The following PNPLA7 variants were observed in gnomAD, a reference collection of about 807,000 sequenced individuals.
PNPLA7 encodes the protein patatin like domain 7, lysophospholipase.
A neutral mutation model predicts 161.7 loss-of-function variants in PNPLA7; 153 were observed. The observed-to-expected ratio is 0.95, with a 90% CI of 0.83 to 1.08. The LOEUF is 1.08. Among genes scored for constraint, PNPLA7 ranks in the 50% least tolerant of loss-of-function variants. The pLI is 0.00. For missense variants in PNPLA7, 1,739 were observed against 1,856.6 expected, an observed-to-expected ratio of 0.94 and a Z score of 1.16; for synonymous variants, 809 against 782.1, an observed-to-expected ratio of 1.03 and a Z score of -0.57.
chr9:137,492,944 C>T (rs1832851468), intron 20 of PNPLA7, 69 bp downstream of exon 20: 2 of 1,030,270 alleles, frequency 1.9e-6, no homozygotes, highest in Non-Finnish European at 2.5e-6. Context: ...GGGCCATGGG[C>T]TGGGTGGGCG....
At position 137,461,987 on chromosome 9, in the gene PNPLA7, C is replaced by G; in HGVS notation, c.3700G>C (p.Val1234Leu). 1 of 1,602,318 alleles carries G rather than the reference C, an allele frequency of 6.2e-7. No individual in the cohort carries two copies. The highest frequency in any genetic ancestry group is 8.5e-7 in the Non-Finnish European group (1 of 1,176,964). ...TVFDIWGRSG[V>L]LEKMLRDQQG... is the part of the protein sequence containing the mutation. ...TGGTCGCGGAGCATCTTCTCCAGCACGCCGCTGCGGCCCCAGATGTCAAAC... is the reference window on the plus strand; with the variant it reads ...TGGTCGCGGAGCATCTTCTCCAGCAGGCCGCTGCGGCCCCAGATGTCAAAC... The change falls in exon 32 of 35, where the codon GTG becomes CTG. Residue 1234 changes from valine to leucine, a missense_variant. Physicochemically the swap from Val to Leu is conservative, Grantham distance 32 (BLOSUM62 1). Coordinates refer to ENST00000406427, the MANE Select transcript of PNPLA7 (RefSeq NM_001098537.3).
At chr9:137,549,642 A>T (rs1318641625) in intron 1 of PNPLA7, among the ~76,000 whole-genome samples, 1 of 151,876 alleles carries the variant, frequency 6.6e-6, no homozygotes, top group Non-Finnish European at 1.5e-5. Flanking sequence ...TAAGAATACA[A>T]AAATTAGCCG....
chr9:137,522,821 C>T lies in PNPLA7; in HGVS notation c.784G>A (p.Ala262Thr), dbSNP rs767470876. Residue 262 changes from alanine (A) to threonine (T), a missense_variant, in exon 9 of 35, where the codon GCG becomes ACG. By Grantham distance (58) the Ala-to-Thr change is moderately conservative. Around this residue, in one of 6 missense-constraint regions of PNPLA7, gnomAD observed 152 missense variants for 193.5 expected, o/e 0.79. Transcript: ENST00000406427. ...AAPYKTVSVRAAIPSTILRLP... is the reference protein window; with the variant it reads ...AAPYKTVSVRTAIPSTILRLP... ...CGGAGGATGGTGGACGGGATGGCCG[C>T]GCGGACGGAGACCGTTTTGTAAGGT... is the stretch of plus-strand genomic sequence containing the variant. The T allele has an allele frequency of 3.1e-5, 50 of 1,613,554 alleles. No homozygotes were observed. The highest frequency in any genetic ancestry group is 6.7e-5 in the Admixed American group (4 of 59,986).
At position 137,500,788 on chromosome 9, in the gene PNPLA7, C is replaced by T. The variant is rs1295995603; in HGVS notation, c.1660G>A (p.Gly554Ser). 2 of 1,611,550 alleles carry T rather than the reference C, an allele frequency of 1.2e-6. No homozygotes were observed. The highest frequency in any genetic ancestry group is 1.1e-5 in the South Asian group (1 of 90,728). Residue 554 changes from glycine to serine, a missense_variant, in exon 16 of 35, where the codon GGC (glycine) becomes AGC (serine). Transcript: ENST00000406427. This position sits in a 1 kb window ranked among gnomAD's most constrained non-coding sequence, Gnocchi z 5.5. ...LFLTRPGEMV[G>S]QLAVLTGEPL... is the part of the protein sequence containing the mutation. The stretch of plus-strand genomic sequence containing the variant: ...TCCCCGGTGAGCACGGCCAGCTGGC[C>T]CACCATCTCCCCGGGGCGCGTGAGG...
At chr9:137,536,316 C>G (rs1366638322) in intron 8 of PNPLA7, among the ~76,000 whole-genome samples, 1 of 152,082 alleles carries the variant, frequency 6.6e-6, no homozygotes, top group Non-Finnish European at 1.5e-5. Flanking sequence ...GCCGAGAAAG[C>G]AGCAGCAAGA....
chr9:137,480,911 G>C (rs2132146835), intron 22 of PNPLA7, 49 bp downstream of exon 22: 1 of 1,532,560 alleles, frequency 6.5e-7, no homozygotes, highest in African/African-American at 1.4e-5. Flanking sequence ...ACATCTCAGG[G>C]CTGCGTTGGG....
chr9:137,522,958 C>T, intron 8 of PNPLA7, 101 bp from the exon 9 acceptor site: 2 of 1,497,350 alleles, frequency 1.3e-6, no homozygotes, highest in Non-Finnish European at 1.8e-6. Context: ...CGCCTGCTGC[C>T]CAGTCACACG....
At chr9:137,522,175 T>C (rs187674092) in intron 9 of PNPLA7, among the ~76,000 whole-genome samples, 2,182 of 152,254 alleles carry the variant, frequency 0.014, 22 homozygotes, top group African/African-American at 0.02. Context: ...CCCGGGTTCA[T>C]GCCGTTCTCC....
Position 137,468,081 on chromosome 9 carries a change from A to T in PNPLA7, c.2883-608T>A, listed in dbSNP as rs1831558386. On this transcript the variant is annotated intron_variant, in intron 25 of 34. Coordinates refer to ENST00000406427, the MANE Select transcript of PNPLA7 (RefSeq NM_001098537.3). The surrounding 1 kb of genome is among the most constrained non-coding windows in gnomAD (Gnocchi z 4.0). ...AGAGGTGGTGGGAAAACTGGACTTG[A>T]GGGGCCCTGGAAGGGAGGAGCCTGG... is the stretch of plus-strand genomic sequence containing the variant. 6.6e-6 allele frequency among the ~76,000 whole-genome samples: 1 copy of T among 151,616 alleles called. No homozygotes were observed. Among genetic ancestry groups the T allele is most frequent in the African/African-American group, 2.4e-5 (1 of 41,204 alleles).
At position 137,546,877 on chromosome 9, in the gene PNPLA7, G is replaced by A. The variant is rs749124903; in HGVS notation, c.226C>T (p.Arg76Trp). ...QAQPTPQYRF[R>W]KRDKVMFYGR... is the part of the protein sequence containing the mutation. The stretch of plus-strand genomic sequence containing the variant: ...TAAAACATCACTTTGTCTCTCTTCC[G>A]GAACCGGTACTGAGGAGTGGGCTGT... The change falls in exon 4 of 35, where the codon CGG becomes TGG. Residue 76 changes from arginine (R) to tryptophan (W), a missense_variant. Physicochemically the swap from Arg to Trp is moderately radical, Grantham distance 101. Around this residue, in one of 6 missense-constraint regions of PNPLA7, gnomAD observed 209 missense variants for 252.8 expected, o/e 0.83. Transcript: ENST00000406427. The A allele has an allele frequency of 2.3e-5, 37 of 1,613,784 alleles. No homozygotes were observed. Among genetic ancestry groups the A allele is most frequent in the Admixed American group, 6.7e-5 (4 of 60,008 alleles).
chr9:137,480,825 A>G (rs1222870348), intron 22 of PNPLA7, 135 bp downstream of exon 22: 3 of 1,010,006 alleles, frequency 3.0e-6, no homozygotes, highest in African/African-American at 1.6e-5. Context: ...GAGTCACGTC[A>G]TCAGCCCTCA....
intron 33 of PNPLA7, 185 bp from the exon 34 acceptor site, chr9:137,460,922 C>T (rs1452704288): frequency 1.7e-6 from 1 of 586,096 alleles, no homozygotes; most frequent in Non-Finnish European, 3.0e-6. Context: ...TGTCTGGCTC[C>T]AGCTTTGCCC....
At position 137,467,962 on chromosome 9, in the gene PNPLA7, C is replaced by T. The variant is rs973745969; in HGVS notation, c.2883-489G>A. Reference sequence around the variant, plus strand: ...CCTTCCTTCTGGAGGTACTGAGGGACTGTGAGGCTGGGATGGGGAGGAAGG... The same window carrying T: ...CCTTCCTTCTGGAGGTACTGAGGGATTGTGAGGCTGGGATGGGGAGGAAGG... On this transcript the variant is annotated intron_variant, in intron 25 of 34. Transcript: ENST00000406427. This position sits in a 1 kb window ranked among gnomAD's most constrained non-coding sequence, Gnocchi z 5.1. Among the ~76,000 whole-genome samples the T allele has an allele frequency of 3.9e-5, 6 of 152,066 alleles. No individual in the cohort carries two copies. The highest frequency in any genetic ancestry group is 5.9e-5 in the Non-Finnish European group (4 of 68,020).
intron 8 of PNPLA7, among the ~76,000 whole-genome samples, chr9:137,539,988 G>A (rs1456538654): frequency 4.6e-5 from 7 of 152,086 alleles, no homozygotes; most frequent in Non-Finnish European, 8.8e-5. Context: ...GTTTCACCAC[G>A]TTGGCCAGGC....
rs10867123 is a variant in PNPLA7, at chr9:137,537,866, A to G, written c.747+2776T>C. Among the ~76,000 whole-genome samples the G allele has an allele frequency of 0.23, 35,604 of 152,196 alleles. 4,847 individuals are homozygous for G. Among genetic ancestry groups the G allele is most frequent in the East Asian group, 0.67 (3,469 of 5,168 alleles). ...AAATAATGGAGAAAGCCTCTACCCC[A>G]GTGAAGCTATTTTTTGCTTAAAGAG... On this transcript the variant is annotated intron_variant, in intron 8 of 34. Coordinates refer to ENST00000406427, the MANE Select transcript of PNPLA7 (RefSeq NM_001098537.3). The surrounding 1 kb of genome is among the most constrained non-coding windows in gnomAD (Gnocchi z 4.5).
chr9:137,466,368 A>C lies in PNPLA7; in HGVS notation c.3039+949T>G, dbSNP rs1285254582. ...AACCTCCACCAACTCAGACCCGGGC[A>C]CAGATCAGACCACTTCCCACCACCA... On this transcript the variant is annotated intron_variant, in intron 26 of 34. Coordinates refer to ENST00000406427, the MANE Select transcript of PNPLA7 (RefSeq NM_001098537.3). 5.4e-5 allele frequency among the ~76,000 whole-genome samples: 8 copies of C among 147,752 alleles called. No homozygotes were observed. The East Asian group carries it at 1.6e-3, about 30-fold the overall frequency.
In PNPLA7 at chr9:137,523,949, G is replaced by A. The variant is rs965252173; in HGVS notation, c.748-1092C>T. Among the ~76,000 whole-genome samples, 1 of 152,116 alleles carries A rather than the reference G, an allele frequency of 6.6e-6. No individual in the cohort carries two copies. The highest frequency in any genetic ancestry group is 2.4e-5 in the African/African-American group (1 of 41,420). ...CTGGCTCAGATTATTCTGGAAATTA[G>A]TTGGCTCTAGAGAGAAAAGCCTTCT... On this transcript the variant is annotated intron_variant, in intron 8 of 34. Coordinates refer to ENST00000406427, the MANE Select transcript of PNPLA7 (RefSeq NM_001098537.3). The surrounding 1 kb of genome is among the most constrained non-coding windows in gnomAD (Gnocchi z 4.4).
At chr9:137,480,005 G>C (rs1219007789) in intron 23 of PNPLA7, 29 of 750,064 alleles carry the variant, frequency 3.9e-5, no homozygotes, top group Non-Finnish European at 4.7e-5. Flanking sequence ...ACACAAAATA[G>C]GGCACCGTTT....
At chr9:137,496,917 G>A (rs1021870015) in intron 18 of PNPLA7, among the ~76,000 whole-genome samples, 4 of 152,176 alleles carry the variant, frequency 2.6e-5, no homozygotes, top group Non-Finnish European at 5.9e-5. Context: ...CAAGGCATCT[G>A]GGCCAGTGCT....
Sources: gnomAD v4.1 joint callset for allele counts (sites outside exome capture counted in the v4.1 genomes callset) on GRCh38, gnomAD v4.1.1 for gene constraint, gnomAD v4.1.1 regional missense constraint, Gnocchi (gnomAD v3.1) non-coding constraint, MANE v1.5 for transcripts, NCBI Gene and HGNC (gene_info 2026-07-23, HGNC 2026-07-21) for gene names.